The following WNT7B variants were observed in gnomAD, a reference collection of about 807,000 sequenced individuals.
The protein encoded by WNT7B is protein Wnt-7b.
A neutral mutation model predicts 38.2 loss-of-function variants in WNT7B; 19 were observed. The observed-to-expected ratio is 0.50, with a 90% CI of 0.35 to 0.73. The LOEUF is 0.73. WNT7B is among the 30% of genes least tolerant of loss of function. The pLI is 0.01. For missense variants in WNT7B, 423 were observed against 507.9 expected (o/e 0.83, Z 1.61); for synonymous variants, 243 against 209.3 (o/e 1.16, Z -1.39).
intron 2 of WNT7B, among the ~76,000 whole-genome samples, chr22:45,935,157 C>T (rs1337228823): frequency 2.6e-5 from 4 of 152,176 alleles, no homozygotes; most frequent in African/African-American, 4.8e-5. Context: ...TCCGCCCACA[C>T]GCCATCCTTC....
At chr22:45,972,098 G>A (rs1186473257) in intron 1 of WNT7B, 2 of 588,366 alleles carry the variant, frequency 3.4e-6, no homozygotes, top group African/African-American at 2.0e-5. Flanking sequence ...CGGTTCCAGC[G>A]CTGGAGGCCC....
At chr22:45,939,375 A>G (rs1931587616) in intron 2 of WNT7B, among the ~76,000 whole-genome samples, 1 of 152,268 alleles carries the variant, frequency 6.6e-6, no homozygotes, top group Non-Finnish European at 1.5e-5. Flanking sequence ...AGCCCAAGGT[A>G]GAAACAACCC....
chr22:45,976,624 A>C lies in WNT7B; in HGVS notation c.71+60T>G. On this transcript the variant is annotated intron_variant, in intron 1 of 3. Coordinates refer to ENST00000339464, the MANE Select transcript of WNT7B (RefSeq NM_058238.3). The surrounding 1 kb of genome is among the most constrained non-coding windows in gnomAD (Gnocchi z 8.5). The stretch of plus-strand genomic sequence containing the variant: ...CCACGTCCCCACGGGGACGCCCCGG[A>C]GGCAGCTCCTTCGTGCTGTCTTGGC... 6.4e-7 allele frequency: 1 copy of C among 1,558,720 alleles called. No individual in the cohort carries two copies. The highest frequency in any genetic ancestry group is 1.2e-5 in the South Asian group (1 of 86,820).
chr22:45,922,880 G>T lies in WNT7B; in HGVS notation c.1026C>A (p.Arg342=). 1.2e-6 allele frequency: 2 copies of T among 1,603,122 alleles called. No homozygotes were observed. The highest frequency in any genetic ancestry group is 1.7e-6 in the Non-Finnish European group (2 of 1,171,780). ...CFVKCNTCSE[R]TEVFTCK is the part of the protein sequence containing the mutation. ...CTCACTTGCAGGTGAAGACCTCGGT[G>T]CGCTCGCTGCAGGTGTTGCACTTGA... Residue 342 remains arginine, a synonymous_variant, in exon 4 of 4, where the codon CGC becomes CGA. Transcript: ENST00000339464.
chr22:45,972,116 G>GGGGGGGGGGC, intron 1 of WNT7B: 3 of 530,738 alleles, frequency 5.7e-6, no homozygotes, highest in African/African-American at 2.1e-5. Flanking sequence ...CCCGGGGGGA[G>GGGGGGGGGGC]CCCACCCGCC....
intron 1 of WNT7B, among the ~76,000 whole-genome samples, chr22:45,971,673 G>T (rs570911707): frequency 1.3e-5 from 2 of 152,344 alleles, no homozygotes; most frequent in South Asian, 4.1e-4. Flanking sequence ...TCCGGGCGCT[G>T]TCCGGTGAAG....
rs118128778 is a variant in WNT7B at position 45,968,478 on chromosome 22, G to C, written c.71+8206C>G. ...AGCCAGGCAGTGAGGGCCCTGTGGA[G>C]TCAGGATGAGGACCCAGATCTGAGT... On this transcript the variant is annotated intron_variant, in intron 1 of 3. Coordinates refer to ENST00000339464, the MANE Select transcript of WNT7B (RefSeq NM_058238.3). 3.2e-3 allele frequency among the ~76,000 whole-genome samples: 482 copies of C among 152,352 alleles called. 1 individual carries two copies. The highest frequency in any genetic ancestry group is 5.1e-3 in the Non-Finnish European group (347 of 68,036).
chr22:45,930,967 A>G, intron 3 of WNT7B, 131 bp downstream of exon 3: 1 of 1,284,128 alleles, frequency 7.8e-7, no homozygotes, highest in Non-Finnish European at 1.0e-6. Flanking sequence ...GAGGACCCAG[A>G]CGGCCCCACC....
chr22:45,966,945 C>T lies in WNT7B; in HGVS notation c.71+9739G>A, dbSNP rs1016960394. Among the ~76,000 whole-genome samples, 4 of 152,206 alleles carry T rather than the reference C, an allele frequency of 2.6e-5. No homozygotes were observed. Among genetic ancestry groups the T allele is most frequent in the Admixed American group, 6.5e-5 (1 of 15,288 alleles). The stretch of plus-strand genomic sequence containing the variant: ...ACTCCTGCATCTGCTTGTATGCCTC[C>T]GGGGCTGGAGAACTCACTGCCTCTC... On this transcript the variant is annotated intron_variant, in intron 1 of 3. Coordinates refer to ENST00000339464, the MANE Select transcript of WNT7B (RefSeq NM_058238.3). This position sits in a 1 kb window ranked among gnomAD's most constrained non-coding sequence, Gnocchi z 4.2.
Position 45,931,313 on chromosome 22 carries a change from C to G in WNT7B, c.355G>C (p.Val119Leu), listed in dbSNP as rs752263059. The change falls in exon 3 of 4, where the codon GTC becomes CTC. Residue 119 changes from valine (V) to leucine (L), a missense_variant. Around this residue, in one of 3 missense-constraint regions of WNT7B, gnomAD observed 133 missense variants for 179.8 expected, o/e 0.74. Coordinates refer to ENST00000339464, the MANE Select transcript of WNT7B (RefSeq NM_058238.3). Reference protein sequence around the residue: ...AITAAGVAHAVTAACSQGNLS... With the variant: ...AITAAGVAHALTAACSQGNLS... ...TTCCCTTGGCTGCAGGCAGCGGTGA[C>G]GGCGTGCGCCACGCCAGCCGCGGTG... The G allele has an allele frequency of 1.3e-6, 2 of 1,597,006 alleles. No homozygotes were observed. Among genetic ancestry groups the G allele is most frequent in the East Asian group, 2.2e-5 (1 of 44,834 alleles).
At chr22:45,956,355 A>G (rs911699561) in intron 1 of WNT7B, among the ~76,000 whole-genome samples, 3 of 152,210 alleles carry the variant, frequency 2.0e-5, no homozygotes, top group African/African-American at 7.2e-5. Flanking sequence ...TTGAAGGTTG[A>G]GACTGCAAGC....
At chr22:45,936,584 G>GT (rs1448304950) in intron 2 of WNT7B, among the ~76,000 whole-genome samples, 1 of 152,232 alleles carries the variant, frequency 6.6e-6, no homozygotes, top group Non-Finnish European at 1.5e-5. Context: ...TCCCTTTTCC[G>GT]TAAGTTATTT....
intron 2 of WNT7B, 48 bp from the exon 3 acceptor site, chr22:45,931,417 A>G: frequency 2.0e-6 from 3 of 1,523,086 alleles, no homozygotes; most frequent in Non-Finnish European, 8.8e-7. Flanking sequence ...GCCCTGGGCC[A>G]GGTGGGCTCA....
chr22:45,968,852 T>C (rs1932368222), intron 1 of WNT7B, among the ~76,000 whole-genome samples: 1 of 152,198 alleles, frequency 6.6e-6, no homozygotes, highest in Non-Finnish European at 1.5e-5. Context: ...CGTGGCCTGA[T>C]CTGAGCCTTG....
chr22:45,941,317 C>T (rs10453435), intron 2 of WNT7B, among the ~76,000 whole-genome samples: 102 of 152,278 alleles, frequency 6.7e-4, no homozygotes, highest in African/African-American at 2.5e-3. Context: ...TGAGACCAGC[C>T]TGGCCAACAT....
At chr22:45,952,259 G>C (rs568239233) in intron 1 of WNT7B, among the ~76,000 whole-genome samples, 4 of 152,188 alleles carry the variant, frequency 2.6e-5, no homozygotes, top group African/African-American at 9.7e-5. Flanking sequence ...TTTCCAGGGC[G>C]GCCGAGCACC....
chr22:45,971,562 C>A (rs1282848452), intron 1 of WNT7B, among the ~76,000 whole-genome samples: 1 of 152,192 alleles, frequency 6.6e-6, no homozygotes, highest in East Asian at 1.9e-4. Context: ...GCACGCAATG[C>A]GCGTCCTCCT....
intron 3 of WNT7B, among the ~76,000 whole-genome samples, chr22:45,928,502 G>A (rs890809022): frequency 3.7e-4 from 56 of 150,648 alleles, no homozygotes; most frequent in African/African-American, 1.4e-3. Flanking sequence ...GGCCCCACCG[G>A]CCATCCGAGA....
intron 2 of WNT7B, among the ~76,000 whole-genome samples, chr22:45,939,672 A>AC (rs1477583799): frequency 4.8e-5 from 5 of 104,352 alleles, no homozygotes; most frequent in Admixed American, 8.7e-5. Context: ...CACACACACA[A>AC]AAATAGCCAG....
Sources: gnomAD v4.1 joint callset for allele counts (sites outside exome capture counted in the v4.1 genomes callset) on GRCh38, gnomAD v4.1.1 for gene constraint, gnomAD v4.1.1 regional missense constraint, Gnocchi (gnomAD v3.1) non-coding constraint, MANE v1.5 for transcripts, NCBI Gene and HGNC (gene_info 2026-07-23, HGNC 2026-07-21) for gene names.